The following ADAMTSL1 variants were observed in gnomAD, a reference collection of about 807,000 sequenced individuals.
ADAMTSL1 encodes the protein ADAMTS-like protein 1.
In ADAMTSL1, 126 loss-of-function variants were observed where a neutral mutation model predicts 201.8. That is an observed-to-expected ratio of 0.62 (90% CI 0.54 to 0.72). The LOEUF (loss-of-function observed/expected upper bound fraction) is 0.72, where lower values mean the gene tolerates loss of function less well. Among genes scored for constraint, ADAMTSL1 ranks in the 30% least tolerant of loss-of-function variants. The pLI, the probability that ADAMTSL1 is intolerant of heterozygous loss-of-function variation, is 0.00. For missense variants in ADAMTSL1, 2,679 were observed against 2,277.8 expected (o/e 1.18, Z -3.59); for synonymous variants, 1,121 against 903.4 (o/e 1.24, Z -4.32).
At chr9:18,800,854 G>A (rs1272021879) in intron 20 of ADAMTSL1, among the ~76,000 whole-genome samples, 1 of 152,160 alleles carries the variant, frequency 6.6e-6, no homozygotes, top group East Asian at 1.9e-4. Context: ...CTCTGTAGTG[G>A]AACATGCGAA....
chr9:18,548,791 T>C (rs1820623615), intron 3 of ADAMTSL1, among the ~76,000 whole-genome samples: 1 of 151,810 alleles, frequency 6.6e-6, no homozygotes, highest in Admixed American at 6.6e-5. Context: ...AAGACAGAAA[T>C]AAAGCATTAA....
chr9:18,796,421 T>G (rs754495680), intron 20 of ADAMTSL1: 2 of 152,232 alleles, frequency 1.3e-5, no homozygotes, highest in African/African-American at 4.8e-5. Flanking sequence ...CTGTGTTGCA[T>G]GTGTTTGTAT....
chr9:18,233,712 G>A (rs540943291), intron 2 of ADAMTSL1, among the ~76,000 whole-genome samples: 1 of 152,272 alleles, frequency 6.6e-6, no homozygotes, highest in South Asian at 2.1e-4. Flanking sequence ...AATCCCTAAA[G>A]GCTGAGAAGA....
At chr9:18,424,664 T>G (rs1351204420) in intron 2 of ADAMTSL1, among the ~76,000 whole-genome samples, 1 of 152,274 alleles carries the variant, frequency 6.6e-6, no homozygotes, top group Non-Finnish European at 1.5e-5. Context: ...TGAAGATTAT[T>G]TATTCACTCA....
intron 23 of ADAMTSL1, among the ~76,000 whole-genome samples, chr9:18,853,535 T>C (rs1826637255): frequency 6.6e-6 from 1 of 152,234 alleles, no homozygotes; most frequent in Non-Finnish European, 1.5e-5. Context: ...GGTAATCATT[T>C]ACATCTTCAC....
At chr9:17,930,134 TTTTAAC>T (rs925133544) in intron 1 of ADAMTSL1, among the ~76,000 whole-genome samples, 11 of 152,094 alleles carry the variant, frequency 7.2e-5, no homozygotes, top group Admixed American at 3.3e-4. Context: ...AATCTCAGAG[TTTTAAC>T]AAAATTTCTC....
rs1835832628 is a variant in ADAMTSL1 at position 18,348,707 on chromosome 9, C to T, written c.208-156122C>T. ...ATGCTTCACCTGGGACCACGTGGCC[C>T]GTAAGTCACAAATTTGGCCAGAGCT... On this transcript the variant is annotated intron_variant, in intron 2 of 29. Coordinates refer to the ADAMTSL1 transcript ENST00000680146. Among the ~76,000 whole-genome samples, 4 of 152,044 alleles carry T rather than the reference C, an allele frequency of 2.6e-5. No homozygotes were observed. In the South Asian group the frequency reaches 6.2e-4, roughly 24 times the overall value.
chr9:17,989,477 T>A (rs1588532461), intron 1 of ADAMTSL1, among the ~76,000 whole-genome samples: 2 of 152,124 alleles, frequency 1.3e-5, no homozygotes, highest in East Asian at 3.9e-4. Context: ...GATAAAAAAA[T>A]CAATTAGAAA....
intron 23 of ADAMTSL1, among the ~76,000 whole-genome samples, chr9:18,867,044 C>T (rs1827577572): frequency 6.6e-6 from 1 of 152,202 alleles, no homozygotes; most frequent in South Asian, 2.1e-4. Context: ...ACCACATGCT[C>T]CACACTTTCT....
chr9:18,519,630 C>T (rs1818563415), intron 2 of ADAMTSL1, among the ~76,000 whole-genome samples: 1 of 152,208 alleles, frequency 6.6e-6, no homozygotes, highest in Non-Finnish European at 1.5e-5. Context: ...AGGGAGGCCA[C>T]CATTTTTGTG....
chr9:18,397,746 CTAATT>C (rs1398249638), intron 2 of ADAMTSL1, among the ~76,000 whole-genome samples: 6 of 152,148 alleles, frequency 3.9e-5, no homozygotes, highest in Non-Finnish European at 8.8e-5. Flanking sequence ...ATGAAACACA[CTAATT>C]TAAATTGTTC....
intron 1 of ADAMTSL1, among the ~76,000 whole-genome samples, chr9:17,962,954 G>A (rs1458630294): frequency 6.6e-6 from 1 of 152,250 alleles, no homozygotes; most frequent in Non-Finnish European, 1.5e-5. Flanking sequence ...TTCTCATGAT[G>A]TCACCCTGTG....
intron 1 of ADAMTSL1, among the ~76,000 whole-genome samples, chr9:17,939,413 A>G (rs1435730914): frequency 6.6e-6 from 1 of 151,506 alleles, no homozygotes; most frequent in East Asian, 1.9e-4. Context: ...GTCATGAATT[A>G]TGTTTTATGC....
intron 2 of ADAMTSL1, among the ~76,000 whole-genome samples, chr9:18,306,400 C>G (rs1329666030): frequency 2.0e-5 from 3 of 152,064 alleles, no homozygotes; most frequent in Admixed American, 1.3e-4. Flanking sequence ...CTCCTCCAAG[C>G]AAAAGGAGCG....
intron 2 of ADAMTSL1, among the ~76,000 whole-genome samples, chr9:18,215,236 A>G (rs1369500876): frequency 6.6e-6 from 1 of 152,200 alleles, no homozygotes; most frequent in Non-Finnish European, 1.5e-5. Context: ...TGACAGTTCC[A>G]GTAGTTACTG....
intron 13 of ADAMTSL1, among the ~76,000 whole-genome samples, chr9:18,700,047 C>T (rs563071661): frequency 6.6e-6 from 1 of 152,134 alleles, no homozygotes; most frequent in African/African-American, 2.4e-5. Flanking sequence ...GATTAAATAT[C>T]CTTGAGTAAA....
At chr9:18,021,115 G>A (rs956162758) in intron 1 of ADAMTSL1, among the ~76,000 whole-genome samples, 7 of 152,254 alleles carry the variant, frequency 4.6e-5, no homozygotes, top group Middle Eastern at 3.4e-3. Context: ...TCAGCAATTT[G>A]TGCTTTAACA....
chr9:18,500,306 G>A (rs1223169696), intron 1 of ADAMTSL1, among the ~76,000 whole-genome samples: 1 of 152,264 alleles, frequency 6.6e-6, no homozygotes, highest in Non-Finnish European at 1.5e-5. Context: ...ACACCATTCT[G>A]AGGTTGATGG....
At chr9:17,942,165 A>G (rs1223160026) in intron 1 of ADAMTSL1, among the ~76,000 whole-genome samples, 1 of 152,134 alleles carries the variant, frequency 6.6e-6, no homozygotes, top group Non-Finnish European at 1.5e-5. Flanking sequence ...ATAGAGAGTT[A>G]TTGTTTGTTG....
Sources: allele counts gnomAD v4.1 joint callset (sites outside exome capture counted in the v4.1 genomes callset), GRCh38; gene constraint gnomAD v4.1.1; transcripts MANE v1.5; gene names NCBI Gene and HGNC (gene_info 2026-07-23, HGNC 2026-07-21).